Variants in CACNA1C observed in about 807,000 individuals in gnomAD.
CACNA1C encodes calcium voltage-gated channel subunit alpha1 C, also known as voltage-dependent L-type calcium channel subunit alpha-1C.
CACNA1C carries 30 observed loss-of-function variants against 229.0 expected under a neutral mutation model. That is an observed-to-expected ratio of 0.13 (90% CI 0.10 to 0.18). The LOEUF (loss-of-function observed/expected upper bound fraction) is 0.18, where lower values mean the gene tolerates loss of function less well. Ranked by LOEUF, CACNA1C falls within the 10% of genes least tolerant of loss-of-function variation. The pLI is 1.00. For synonymous variants in CACNA1C, 1,114 were observed against 1,132.5 expected (o/e 0.98, Z 0.33); for missense variants, 1,658 against 2,845.0 (o/e 0.58, Z 9.49).
intron 2 of CACNA1C, among the ~76,000 whole-genome samples, chr12:2,116,406 C>T (rs377495821): frequency 6.0e-5 from 9 of 149,152 alleles, no homozygotes; most frequent in African/African-American, 2.2e-4. Flanking sequence ...GAGTCTCGCT[C>T]TGTCACCCAG....
rs1309665633 is a variant in CACNA1C at position 2,608,069 on chromosome 12, T to C, written c.3357-442T>C. 1 of 158,170 alleles carries C rather than the reference T, an allele frequency of 6.3e-6. No homozygotes were observed. Among genetic ancestry groups the C allele is most frequent in the Non-Finnish European group, 1.4e-5 (1 of 72,032 alleles). The allele number at this position is 158,170 out of a possible 1,614,324, so 9.8% of individuals were successfully genotyped here. A position where few individuals can be genotyped will look rare whatever the true frequency, so the allele number is the denominator to read the frequency against. On this transcript the variant is annotated intron_variant, in intron 26 of 46. Transcript: ENST00000399655. This position sits in a 1 kb window ranked among gnomAD's most constrained non-coding sequence, Gnocchi z 4.2. The stretch of plus-strand genomic sequence containing the variant: ...ATCGGAGTAGCATGGGTCATGTGAG[T>C]GTTTTTATCTAAGTGGATATTTGCT...
chr12:2,002,008 C>T (rs975887128), intron 1 of CACNA1C, among the ~76,000 whole-genome samples: 1 of 152,124 alleles, frequency 6.6e-6, no homozygotes, highest in Non-Finnish European at 1.5e-5. Context: ...ATTTTGGAGG[C>T]GGGGGGCAGT....
At chr12:2,221,651 A>C (rs1381595193) in intron 3 of CACNA1C, 1 of 152,270 alleles carries the variant, frequency 6.6e-6, no homozygotes, top group Non-Finnish European at 1.5e-5. Flanking sequence ...CAAAGGCTTC[A>C]AAATGCTCAT....
chr12:2,190,669 A>G (rs937054476), intron 3 of CACNA1C, among the ~76,000 whole-genome samples: 3 of 152,166 alleles, frequency 2.0e-5, no homozygotes, highest in African/African-American at 7.2e-5. Flanking sequence ...GCAGGCGAGG[A>G]GGCTGTAGAG....
intron 1 of CACNA1C, among the ~76,000 whole-genome samples, chr12:2,009,502 C>G (rs921568032): frequency 6.6e-6 from 1 of 152,124 alleles, no homozygotes; most frequent in African/African-American, 2.4e-5. Flanking sequence ...TGTGTAAATA[C>G]CCTCTAAGTC....
At chr12:2,177,584 C>A (rs1049089781) in intron 3 of CACNA1C, among the ~76,000 whole-genome samples, 2 of 62,896 alleles carry the variant, frequency 3.2e-5, no homozygotes, top group Non-Finnish European at 5.9e-5. Context: ...TCCCTCCCTC[C>A]CTCCCTTCCT....
intron 9 of CACNA1C, among the ~76,000 whole-genome samples, chr12:2,515,667 G>T (rs200346462): frequency 3.3e-5 from 5 of 152,264 alleles, no homozygotes; most frequent in Non-Finnish European, 7.4e-5. Context: ...GGGAGGTGGG[G>T]CTGAGTGCAG....
At chr12:2,389,961 C>T (rs1016920373) in intron 3 of CACNA1C, among the ~76,000 whole-genome samples, 5 of 152,136 alleles carry the variant, frequency 3.3e-5, no homozygotes, top group Non-Finnish European at 5.9e-5. Flanking sequence ...CCCTCTACTC[C>T]CAGGCTGAGG....
At chr12:2,661,278 CAT>C (rs1491176069) in intron 34 of CACNA1C, among the ~76,000 whole-genome samples, 7,023 of 125,126 alleles carry the variant, frequency 0.056, 226 homozygotes, top group Non-Finnish European at 0.078. Context: ...CATACACACA[CAT>C]ACACACACAC....
chr12:2,133,495 G>T, intron 3 of CACNA1C, among the ~76,000 whole-genome samples: 1 of 17,884 alleles, frequency 5.6e-5, no homozygotes, highest in Non-Finnish European at 9.1e-5. Context: ...CAGAGATTCT[G>T]GTATGTTGTG....
At chr12:2,419,133 G>A (rs1248478356) in intron 3 of CACNA1C, among the ~76,000 whole-genome samples, 1 of 152,204 alleles carries the variant, frequency 6.6e-6, no homozygotes, top group African/African-American at 2.4e-5. Context: ...TTGTTGCGTT[G>A]CTGTAGAGAA....
intron 1 of CACNA1C, among the ~76,000 whole-genome samples, chr12:2,019,287 T>G (rs1297184151): frequency 4.0e-5 from 6 of 151,846 alleles, no homozygotes; most frequent in Admixed American, 1.3e-4. Context: ...CATAGTGAGA[T>G]CCCATCACTA....
chr12:2,311,953 G>T (rs2095458710), intron 3 of CACNA1C, among the ~76,000 whole-genome samples: 1 of 152,150 alleles, frequency 6.6e-6, no homozygotes, highest in Non-Finnish European at 1.5e-5. Flanking sequence ...TAAAAGAGCA[G>T]GGTGTTCAGA....
chr12:2,570,723 A>G (rs1422069096), intron 13 of CACNA1C, among the ~76,000 whole-genome samples: 3 of 152,190 alleles, frequency 2.0e-5, no homozygotes, highest in Admixed American at 6.5e-5. Context: ...AGGAAAATCT[A>G]TGACAGAATA....
intron 1 of CACNA1C, among the ~76,000 whole-genome samples, chr12:2,046,667 C>A (rs1013604316): frequency 6.6e-6 from 1 of 152,158 alleles, no homozygotes; most frequent in Admixed American, 6.5e-5. Context: ...GTTACCACAC[C>A]TTGTTATCCT....
intron 9 of CACNA1C, among the ~76,000 whole-genome samples, chr12:2,516,958 G>A (rs978475656): frequency 6.6e-6 from 1 of 152,198 alleles, no homozygotes; most frequent in Non-Finnish European, 1.5e-5. Context: ...CAAGAACTGA[G>A]TCCTAGCCCT....
At chr12:2,206,410 G>A (rs1354128220) in intron 3 of CACNA1C, among the ~76,000 whole-genome samples, 3 of 152,228 alleles carry the variant, frequency 2.0e-5, no homozygotes, top group Non-Finnish European at 2.9e-5. Context: ...TGTGGAAAGA[G>A]CTTGGGCTTT....
In CACNA1C at chr12:2,691,941, A is replaced by G. The variant is rs866988706; in HGVS notation, c.*742A>G. 6.6e-6 allele frequency: 1 copy of G among 152,110 alleles called. No homozygotes were observed. The allele number at this position is 152,110 out of a possible 1,614,324, so 9.4% of individuals were successfully genotyped here. A position where few individuals can be genotyped will look rare whatever the true frequency, so the allele number is the denominator to read the frequency against. ...GACACTTTTCTTGACAGCATGTTGC[A>G]GTTTCTTTTCGGTTTTGGTTTTTTT... On this transcript the variant is annotated 3_prime_UTR_variant, in exon 47 of 47. Coordinates refer to ENST00000399655, the MANE Select transcript of CACNA1C (RefSeq NM_000719.7).
intron 3 of CACNA1C, among the ~76,000 whole-genome samples, chr12:2,412,954 A>G (rs2154553960): frequency 6.6e-6 from 1 of 152,372 alleles, no homozygotes; most frequent in East Asian, 1.9e-4. Context: ...AAAATTTATG[A>G]TATAAGTGAA....
Sources: gnomAD v4.1 joint callset for allele counts (sites outside exome capture counted in the v4.1 genomes callset) on GRCh38, gnomAD v4.1.1 for gene constraint, Gnocchi (gnomAD v3.1) non-coding constraint, MANE v1.5 for transcripts, NCBI Gene and HGNC (gene_info 2026-07-23, HGNC 2026-07-21) for gene names.